PLXNA2: variants seen among roughly 807,000 people sequenced by gnomAD.
The protein encoded by PLXNA2 is plexin A2.
A neutral mutation model predicts 193.5 loss-of-function variants in PLXNA2; 91 were observed. The observed-to-expected ratio is 0.47, with a 90% confidence interval of 0.40 to 0.56. The LOEUF is 0.56. Among genes scored for constraint, PLXNA2 ranks in the 20% least tolerant of loss-of-function variants. The pLI, the probability that PLXNA2 is intolerant of heterozygous loss-of-function variation, is 0.00. For missense variants in PLXNA2, 1,995 were observed against 2,503.2 expected, an observed-to-expected ratio of 0.80 and a Z score of 4.33; for synonymous variants, 997 against 1,027.3, an observed-to-expected ratio of 0.97 and a Z score of 0.56.
At chr1:208,094,080 C>T (rs1666798799) in intron 8 of PLXNA2, among the ~76,000 whole-genome samples, 1 of 152,222 alleles carries the variant, frequency 6.6e-6, no homozygotes, top group Non-Finnish European at 1.5e-5. Context: ...TTATCCCATT[C>T]TCCATTGCCC....
chr1:208,113,770 G>A (rs960832488), intron 4 of PLXNA2, among the ~76,000 whole-genome samples: 2 of 152,000 alleles, frequency 1.3e-5, no homozygotes, highest in African/African-American at 4.8e-5. Flanking sequence ...GGCTCAGGCC[G>A]GTCTTGAACC....
chr1:208,136,354 T>C (rs1193161172), intron 4 of PLXNA2, among the ~76,000 whole-genome samples: 1 of 152,226 alleles, frequency 6.6e-6, no homozygotes, highest in Non-Finnish European at 1.5e-5. Context: ...CAACTACTAG[T>C]ACATCTAGGA....
At chr1:208,209,435 A>T (rs1445672799) in intron 3 of PLXNA2, among the ~76,000 whole-genome samples, 1 of 152,234 alleles carries the variant, frequency 6.6e-6, no homozygotes, top group East Asian at 1.9e-4. Flanking sequence ...TGCTGGGACC[A>T]GGGAAAGGTG....
intron 7 of PLXNA2, 67 bp downstream of exon 7, chr1:208,096,663 G>T: frequency 6.4e-7 from 1 of 1,561,262 alleles, no homozygotes; most frequent in Non-Finnish European, 8.7e-7. Flanking sequence ...CCTAGTTCTT[G>T]TGACCCCCAG....
At chr1:208,142,269 G>A (rs1668478809) in intron 4 of PLXNA2, 60 bp downstream of exon 4, 4 of 1,522,206 alleles carry the variant, frequency 2.6e-6, no homozygotes, top group Non-Finnish European at 3.5e-6. Context: ...CTGAACAAAG[G>A]TGACAGATTA....
At chr1:208,237,494 A>G (rs1671903678) in intron 1 of PLXNA2, among the ~76,000 whole-genome samples, 1 of 152,210 alleles carries the variant, frequency 6.6e-6, no homozygotes, top group Non-Finnish European at 1.5e-5. Flanking sequence ...TGCACCCTGG[A>G]GTCCTTGCCG....
chr1:208,174,720 AG>A (rs1669608029), intron 3 of PLXNA2, among the ~76,000 whole-genome samples: 1 of 152,154 alleles, frequency 6.6e-6, no homozygotes, highest in South Asian at 2.1e-4. Flanking sequence ...CTCTGCTTTC[AG>A]TTCTGAAACT....
At chr1:208,033,271 T>C (rs780401896) in intron 28 of PLXNA2, 48 bp downstream of exon 28, 18 of 1,511,994 alleles carry the variant, frequency 1.2e-5, no homozygotes, top group East Asian at 2.3e-5. Flanking sequence ...AGGGGCAGGA[T>C]GTGCTCCTTT....
At chr1:208,113,239 G>T (rs771487928) in intron 4 of PLXNA2, among the ~76,000 whole-genome samples, 1 of 152,154 alleles carries the variant, frequency 6.6e-6, no homozygotes, top group Admixed American at 6.5e-5. Context: ...TACCCCAGGA[G>T]GGGGAAAGGT....
At chr1:208,188,025 G>A (rs1342491176) in intron 3 of PLXNA2, among the ~76,000 whole-genome samples, 3 of 152,150 alleles carry the variant, frequency 2.0e-5, no homozygotes, top group African/African-American at 7.2e-5. Flanking sequence ...CAGCCCACCC[G>A]ATTTCTGGGC....
At chr1:208,121,240 C>T (rs557075973) in intron 4 of PLXNA2, among the ~76,000 whole-genome samples, 3 of 152,068 alleles carry the variant, frequency 2.0e-5, no homozygotes, top group African/African-American at 4.8e-5. Context: ...CCTGGTCAAT[C>T]GCTATCCCTT....
At chr1:208,048,131 T>C (rs1018362071) in intron 17 of PLXNA2, among the ~76,000 whole-genome samples, 5 of 152,126 alleles carry the variant, frequency 3.3e-5, no homozygotes, top group African/African-American at 1.2e-4. Context: ...GGCTCCTCTA[T>C]GAATAAGCAA....
Position 208,069,431 on chromosome 1 carries a change from T to A in PLXNA2, c.2587-8594A>T, listed in dbSNP as rs1450842175. 3.9e-5 allele frequency among the ~76,000 whole-genome samples: 6 copies of A among 152,250 alleles called. No homozygotes were observed. In the East Asian group the frequency reaches 9.6e-4, roughly 24 times the overall value. On this transcript the variant is annotated intron_variant, in intron 12 of 31. Coordinates refer to ENST00000367033, the MANE Select transcript of PLXNA2 (RefSeq NM_025179.4). ...ACCTGGAAAGCAGCCGCGGTGATGC[T>A]GCACCCGACCTCATTCTTGCAGCCA... is the stretch of plus-strand genomic sequence containing the variant.
At chr1:208,151,123 A>G (rs1230213089) in intron 3 of PLXNA2, among the ~76,000 whole-genome samples, 3 of 152,376 alleles carry the variant, frequency 2.0e-5, no homozygotes, top group African/African-American at 7.2e-5. Context: ...CGAAGCATTA[A>G]GCAGCCTCAG....
intron 4 of PLXNA2, among the ~76,000 whole-genome samples, chr1:208,110,175 C>G (rs1294031419): frequency 6.6e-6 from 1 of 152,198 alleles, no homozygotes; most frequent in Admixed American, 6.5e-5. Flanking sequence ...CAAGGTAGAC[C>G]CTCTGGGGAA....
intron 6 of PLXNA2, among the ~76,000 whole-genome samples, chr1:208,098,458 T>TCTCTCTCACACACA (rs368366958): frequency 1.3e-3 from 163 of 123,516 alleles, no homozygotes; most frequent in Middle Eastern, 4.5e-3. Flanking sequence ...TCTCTCTCTC[T>TCTCTCTCACACACA]CACACACACA....
chr1:208,196,206 A>G (rs1558238919), intron 3 of PLXNA2, among the ~76,000 whole-genome samples: 2 of 152,202 alleles, frequency 1.3e-5, no homozygotes, highest in Non-Finnish European at 2.9e-5. Context: ...AACACCAACA[A>G]TCACCCAACA....
At chr1:208,187,907 C>T (rs1303428610) in intron 3 of PLXNA2, among the ~76,000 whole-genome samples, 1 of 152,134 alleles carries the variant, frequency 6.6e-6, no homozygotes, top group African/African-American at 2.4e-5. Context: ...CTAAATTGCC[C>T]CACGATCCTG....
At chr1:208,179,326 G>T (rs1485697243) in intron 3 of PLXNA2, among the ~76,000 whole-genome samples, 1 of 152,204 alleles carries the variant, frequency 6.6e-6, no homozygotes, top group Non-Finnish European at 1.5e-5. Context: ...AAGGGGTAAG[G>T]TTGCAGCTTT....
Sources: allele counts gnomAD v4.1 joint callset (sites outside exome capture counted in the v4.1 genomes callset), GRCh38; gene constraint gnomAD v4.1.1; transcripts MANE v1.5; gene names NCBI Gene and HGNC (gene_info 2026-07-23, HGNC 2026-07-21).